Variants in MAP4K1 observed in about 807,000 individuals in gnomAD.
MAP4K1 encodes the protein MAPK/ERK kinase kinase kinase 1.
A neutral mutation model predicts 122.8 loss-of-function variants in MAP4K1; 35 were observed. The ratio of observed to expected loss-of-function variants is 0.29; its 90% CI spans 0.22 to 0.38. MAP4K1 has a LOEUF of 0.38. Ranked by LOEUF, MAP4K1 falls within the 10% of genes least tolerant of loss-of-function variation. The pLI is 1.00. For missense variants in MAP4K1, 791 were observed against 1,072.6 expected, an observed-to-expected ratio of 0.74 and a Z score of 3.67; for synonymous variants, 412 against 421.3, an observed-to-expected ratio of 0.98 and a Z score of 0.27.
intron 11 of MAP4K1, 85 bp downstream of exon 11, chr19:38,610,966 A>C: frequency 8.0e-7 from 1 of 1,252,992 alleles, no homozygotes; most frequent in Non-Finnish European, 1.1e-6. Context: ...CGGGGACTCC[A>C]TGGAACAAAG....
At chr19:38,587,983 G>C (rs1171227997) in intron 30 of MAP4K1, among the ~76,000 whole-genome samples, 166 bp from the exon 31 acceptor site, 2 of 152,206 alleles carry the variant, frequency 1.3e-5, no homozygotes, top group Non-Finnish European at 2.9e-5. Flanking sequence ...TAGAGAAGGA[G>C]ATCAACATGA....
chr19:38,617,553 A>T lies in MAP4K1; in HGVS notation c.157+15T>A. 3.7e-6 allele frequency: 6 copies of T among 1,613,890 alleles called. No homozygotes were observed. Among genetic ancestry groups the T allele is most frequent in the Non-Finnish European group, 5.1e-6 (6 of 1,179,840 alleles). On this transcript the variant is annotated intron_variant, in intron 2 of 30. Transcript: ENST00000396857. The surrounding 1 kb of genome is among the most constrained non-coding windows in gnomAD (Gnocchi z 4.1). Reference sequence around the variant, plus strand: ...GGTGGGGATGTGGGGAAGGAGCTCCATGTTCCCTCCTCACCAGGCTCCATC... The same window carrying T: ...GGTGGGGATGTGGGGAAGGAGCTCCTTGTTCCCTCCTCACCAGGCTCCATC...
At chr19:38,610,165 G>C in intron 11 of MAP4K1, 140 bp from the exon 12 acceptor site, 1 of 620,454 alleles carries the variant, frequency 1.6e-6, no homozygotes, top group East Asian at 2.8e-5. Flanking sequence ...TGAAGGCAGA[G>C]GGCGGGGAAA....
intron 13 of MAP4K1, among the ~76,000 whole-genome samples, chr19:38,608,827 A>AC (rs1975411290): frequency 2.0e-5 from 3 of 149,044 alleles, no homozygotes; most frequent in Non-Finnish European, 3.0e-5. Flanking sequence ...AAAAAAAAAA[A>AC]AACATTAGCC....
At chr19:38,611,483 G>GCCATTTA (rs1975496865) in intron 9 of MAP4K1, among the ~76,000 whole-genome samples, 178 bp from the exon 10 acceptor site, 3 of 152,196 alleles carry the variant, frequency 2.0e-5, no homozygotes, top group Non-Finnish European at 4.4e-5. Context: ...CATTTATGAA[G>GCCATTTA]TGATAGAGCT....
In MAP4K1 at chr19:38,617,677, C is replaced by G. The variant is rs1444826264; in HGVS notation, c.100-52G>C. The G allele has an allele frequency of 1.2e-6, 2 of 1,608,484 alleles. No individual in the cohort carries two copies. Among genetic ancestry groups the G allele is most frequent in the Non-Finnish European group, 1.7e-6 (2 of 1,174,930 alleles). On this transcript the variant is annotated intron_variant, in intron 1 of 30. Transcript: ENST00000396857. The surrounding 1 kb of genome is among the most constrained non-coding windows in gnomAD (Gnocchi z 4.1). ...GCAGGCTCCATTTGCCAGAGTCCCT[C>G]CACAGCATCCCTGAGTCAAGGTCAA...
At chr19:38,589,982 A>G (rs952805752) in intron 30 of MAP4K1, among the ~76,000 whole-genome samples, 55 of 152,032 alleles carry the variant, frequency 3.6e-4, no homozygotes, top group African/African-American at 6.5e-4. Flanking sequence ...GTGAGCCATG[A>G]TCGCGTCACT....
chr19:38,601,314 T>C lies in MAP4K1; in HGVS notation c.1531+127A>G. ...GACAAGCTCCGCCCCTGTTTCAGCC[T>C]GGCCACACCCCAACTCCATTAAGCT... On this transcript the variant is annotated intron_variant, in intron 20 of 30. Transcript: ENST00000396857. 4 of 786,456 alleles carry C rather than the reference T, an allele frequency of 5.1e-6. No individual in the cohort carries two copies. The South Asian group carries it at 6.9e-5, about 14-fold the overall frequency. The allele number at this position is 786,456 out of a possible 1,614,324, so 48.7% of individuals were successfully genotyped here.
chr19:38,608,200 G>A (rs764702390), intron 13 of MAP4K1, 30 bp from the exon 14 acceptor site: 4 of 1,302,344 alleles, frequency 3.1e-6, no homozygotes, highest in African/African-American at 1.5e-5. Context: ...ATAACCTGCT[G>A]TGAGCTGGGG....
chr19:38,606,408 G>A (rs530294981), intron 16 of MAP4K1, among the ~76,000 whole-genome samples, 193 bp from the exon 17 acceptor site: 2 of 152,296 alleles, frequency 1.3e-5, no homozygotes, highest in East Asian at 1.9e-4. Context: ...GCCTGTAATC[G>A]CAGTGCTTTG....
intron 19 of MAP4K1, 32 bp downstream of exon 19, chr19:38,605,377 A>T: frequency 2.0e-6 from 3 of 1,481,698 alleles, no homozygotes; most frequent in Non-Finnish European, 2.8e-6. Context: ...CCCCGTCCAG[A>T]GGTGTAAGTC....
chr19:38,591,970 CAA>C (rs34002038), intron 30 of MAP4K1, among the ~76,000 whole-genome samples: 4 of 84,954 alleles, frequency 4.7e-5, no homozygotes, highest in Admixed American at 1.3e-4. Flanking sequence ...GAATCCGTCT[CAA>C]AAAAAAAAAA....
chr19:38,596,258 C>T (rs1974874762), intron 26 of MAP4K1, 54 bp downstream of exon 26: 1 of 1,487,726 alleles, frequency 6.7e-7, no homozygotes, highest in Non-Finnish European at 9.0e-7. Context: ...GCCTCCAGCT[C>T]CGCCCCTCCG....
chr19:38,605,082 T>C (rs1446687744), intron 19 of MAP4K1, among the ~76,000 whole-genome samples: 1 of 142,808 alleles, frequency 7.0e-6, no homozygotes, highest in Non-Finnish European at 1.5e-5. Context: ...CAAAACTCCG[T>C]CTTTAAAAAA....
In MAP4K1 at chr19:38,587,717, A is replaced by C; in HGVS notation, c.*31T>G. 1 of 1,551,364 alleles carries C rather than the reference A, an allele frequency of 6.4e-7. No individual in the cohort carries two copies. ...AGTGTGTCTATGGGGGAGGGGGTGCAAGGACTAGTTCCTGACACCCCCCTA... is the reference window on the plus strand; with the variant it reads ...AGTGTGTCTATGGGGGAGGGGGTGCCAGGACTAGTTCCTGACACCCCCCTA... On this transcript the variant is annotated 3_prime_UTR_variant, in exon 31 of 31. Transcript: ENST00000396857.
At chr19:38,614,948 A>G (rs1975605901) in intron 4 of MAP4K1, 3 of 152,708 alleles carry the variant, frequency 2.0e-5, no homozygotes, top group South Asian at 2.0e-4. Flanking sequence ...AAAAAAAAAA[A>G]GGAAAGAAGG....
rs766205724 is a variant in MAP4K1, at chr19:38,617,476, C to T, written c.158-32G>A. ...GGAGGGCGGGAGAGAAAAGGCAGCTCGCATGGGGAGAGAGCTACAGGGGAG... is the reference window on the plus strand; with the variant it reads ...GGAGGGCGGGAGAGAAAAGGCAGCTTGCATGGGGAGAGAGCTACAGGGGAG... On this transcript the variant is annotated intron_variant, in intron 2 of 30. Transcript: ENST00000396857. The surrounding 1 kb of genome is among the most constrained non-coding windows in gnomAD (Gnocchi z 4.1). 46 of 1,600,206 alleles carry T rather than the reference C, an allele frequency of 2.9e-5. No individual in the cohort carries two copies. Among genetic ancestry groups the T allele is most frequent in the Non-Finnish European group, 3.7e-5 (43 of 1,167,612 alleles).
At position 38,596,463 on chromosome 19, in the gene MAP4K1, C is replaced by T; in HGVS notation, c.1965G>A (p.Thr655=). Reference sequence around the variant, plus strand: ...TCAGCAGCGCGAACACGGACAGAGGCGTCGGCAGTGGGAACAGCACCTGCT... The same window carrying T: ...TCAGCAGCGCGAACACGGACAGAGGTGTCGGCAGTGGGAACAGCACCTGCT... The part of the protein sequence containing the change: ...LVRQVLFPLP[T]PLSVFALLTG... Residue 655 remains threonine, a synonymous_variant, in exon 26 of 31, where the codon ACG becomes ACA. Transcript: ENST00000396857. 6.4e-7 allele frequency: 1 copy of T among 1,574,362 alleles called. No individual in the cohort carries two copies. The highest frequency in any genetic ancestry group is 8.6e-7 in the Non-Finnish European group (1 of 1,163,628).
chr19:38,594,791 A>G (rs1398496903), intron 29 of MAP4K1, among the ~76,000 whole-genome samples: 1 of 151,510 alleles, frequency 6.6e-6, no homozygotes, highest in African/African-American at 2.4e-5. Context: ...ATACAAAAAA[A>G]TTAGCTAAGC....
Sources: gnomAD v4.1 joint callset for allele counts (sites outside exome capture counted in the v4.1 genomes callset) on GRCh38, gnomAD v4.1.1 for gene constraint, Gnocchi (gnomAD v3.1) non-coding constraint, MANE v1.5 for transcripts, NCBI Gene and HGNC (gene_info 2026-07-23, HGNC 2026-07-21) for gene names.